The following ZNF658 variants were observed in gnomAD, a reference collection of about 807,000 sequenced individuals.
The protein encoded by ZNF658 is zinc finger protein 658.
In ZNF658, 46 loss-of-function variants were observed where a neutral mutation model predicts 78.0. That is an observed-to-expected ratio of 0.59 (90% confidence interval 0.47 to 0.75). ZNF658 has a LOEUF of 0.75. Ranked by LOEUF, ZNF658 falls within the 30% of genes least tolerant of loss-of-function variation. The pLI is 0.00. For missense variants in ZNF658, 785 were observed against 1,189.3 expected, an observed-to-expected ratio of 0.66 and a Z score of 5.00; for synonymous variants, 279 against 408.4, an observed-to-expected ratio of 0.68 and a Z score of 3.82.
At chr9:66,909,307 A>G (rs1320901782) in intron 4 of ZNF658, among the ~76,000 whole-genome samples, 4 of 151,382 alleles carry the variant, frequency 2.6e-5, no homozygotes, top group Non-Finnish European at 5.9e-5. Flanking sequence ...GTGTCTATAA[A>G]TATGCCTATT....
chr9:66,908,096 A>C (rs1200133330), intron 2 of ZNF658, 142 bp from the exon 3 acceptor site: 1 of 1,485,380 alleles, frequency 6.7e-7, no homozygotes, highest in Non-Finnish European at 9.1e-7. Flanking sequence ...TGAGTTACAT[A>C]TGTTAAGACA....
At chr9:66,907,155 G>C (rs1393393067) in intron 2 of ZNF658, among the ~76,000 whole-genome samples, 1 of 151,702 alleles carries the variant, frequency 6.6e-6, no homozygotes, top group Non-Finnish European at 1.5e-5. Context: ...TTCAATCCCT[G>C]TGTGCTCAAG....
chr9:66,931,768 C>T (rs62561213), intron 6 of ZNF658, among the ~76,000 whole-genome samples: 24,515 of 113,070 alleles, frequency 0.22, 3,102 homozygotes, highest in Middle Eastern at 0.42. Context: ...TCTCTCATGG[C>T]TGTTGCTTAA....
chr9:66,918,246 A>G lies in ZNF658; in HGVS notation c.680A>G (p.Lys227Arg). The change falls in exon 5 of 5, where the codon AAG (lysine) becomes AGG (arginine). Residue 227 changes from lysine to arginine, a missense_variant. Around this residue, in one of 12 missense-constraint regions of ZNF658, gnomAD observed 393 missense variants for 400.2 expected, o/e 0.98. Transcript: ENST00000621410. ...GGATCTGGACAAGGTTTATATGATAAGACAATTTGTATTACACCTCAGAGT... is the reference window on the plus strand; with the variant it reads ...GGATCTGGACAAGGTTTATATGATAGGACAATTTGTATTACACCTCAGAGT... ...CDGSGQGLYD[K>R]TICITPQSFL... 4.4e-6 allele frequency: 7 copies of G among 1,605,680 alleles called. No homozygotes were observed. The highest frequency in any genetic ancestry group is 5.9e-6 in the Non-Finnish European group (7 of 1,176,772).
intron 4 of ZNF658, among the ~76,000 whole-genome samples, chr9:66,910,785 G>T (rs1174457166): frequency 2.4e-5 from 3 of 127,652 alleles, no homozygotes; most frequent in Admixed American, 1.8e-4. Flanking sequence ...AAAAGAGCGA[G>T]ACTCAGTCCC....
downstream of ZNF658, among the ~76,000 whole-genome samples, chr9:66,923,990 A>C (rs1025930332): frequency 9.4e-5 from 14 of 148,422 alleles, no homozygotes; most frequent in Middle Eastern, 3.4e-3. Context: ...CTCTACAAAA[A>C]ATACAAAAAA....
chr9:66,929,861 G>A (rs1822624070), intron 6 of ZNF658, among the ~76,000 whole-genome samples: 1 of 129,348 alleles, frequency 7.7e-6, no homozygotes, highest in Admixed American at 8.3e-5. Context: ...TCGGCTCGCT[G>A]CAACCTTCGC....
chr9:66,918,279 C>A lies in ZNF658; in HGVS notation c.713C>A (p.Thr238Lys), dbSNP rs1264885340. 3.7e-6 allele frequency: 6 copies of A among 1,613,564 alleles called. No homozygotes were observed. The highest frequency in any genetic ancestry group is 5.1e-6 in the Non-Finnish European group (6 of 1,179,748). The change falls in exon 5 of 5, where the codon ACA becomes AAA. Residue 238 changes from threonine (T) to lysine (K), a missense_variant. This residue lies in a region of ZNF658 where 393 missense variants were observed against 400.2 expected (regional missense o/e 0.98). Transcript: ENST00000621410. ...TGTATTACACCTCAGAGTTTTCTAA[C>A]AGGAGAAAAGTCCTGTAAGGATGAT... ...TICITPQSFL[T>K]GEKSCKDDEF...
intron 1 of ZNF658, among the ~76,000 whole-genome samples, chr9:66,902,377 T>A (rs960769341): frequency 2.5e-5 from 3 of 122,346 alleles, no homozygotes; most frequent in Non-Finnish European, 5.1e-5. Context: ...AGTTGTTGAC[T>A]CCCTATATAT....
intron 2 of ZNF658, among the ~76,000 whole-genome samples, chr9:66,905,045 T>C (rs201517360): frequency 0.15 from 16,777 of 114,570 alleles, 3,184 homozygotes; most frequent in African/African-American, 0.18. Context: ...TATCTTTTCT[T>C]TTTTCTTTTC....
At chr9:66,909,490 T>A (rs1476136875) in intron 4 of ZNF658, among the ~76,000 whole-genome samples, 3 of 150,650 alleles carry the variant, frequency 2.0e-5, no homozygotes, top group Non-Finnish European at 4.4e-5. Context: ...TCAGTAGATA[T>A]TTGGGATTCC....
chr9:66,910,059 C>T (rs1284242337), intron 4 of ZNF658, among the ~76,000 whole-genome samples: 4 of 152,112 alleles, frequency 2.6e-5, no homozygotes, highest in Non-Finnish European at 5.9e-5. Flanking sequence ...GATATCAGTA[C>T]TACTGGATTA....
Position 66,918,857 on chromosome 9 carries a change from C to T in ZNF658, c.1291C>T (p.Pro431Ser), listed in dbSNP as rs765378342. The T allele has an allele frequency of 5.2e-5, 83 of 1,603,746 alleles. 1 individual carries two copies. Among genetic ancestry groups the T allele is most frequent in the South Asian group, 4.4e-4 (40 of 90,746 alleles). ...FCSSSHPIQH[P>S]GTYVGFKLYE... ...TTCAAGTTCACATCCTATTCAGCAT[C>T]CTGGAACTTATGTGGGATTCAAACT... Residue 431 changes from proline to serine, a missense_variant, in exon 5 of 5, where the codon CCT (proline) becomes TCT (serine). Transcript: ENST00000621410.
At chr9:66,917,344 A>G in intron 4 of ZNF658, among the ~76,000 whole-genome samples, 1 of 148,982 alleles carries the variant, frequency 6.7e-6, no homozygotes, top group East Asian at 2.0e-4. Flanking sequence ...AGCATGGATG[A>G]GGAGAGAGTC....
chr9:66,929,442 T>C (rs1822618556), intron 6 of ZNF658, among the ~76,000 whole-genome samples: 1 of 142,646 alleles, frequency 7.0e-6, no homozygotes, highest in South Asian at 2.4e-4. Context: ...GAGGAATAAG[T>C]GAGATTTGTC....
intron 2 of ZNF658, among the ~76,000 whole-genome samples, chr9:66,905,068 C>CTTTT (rs1165611922): frequency 0.02 from 631 of 31,712 alleles, 57 homozygotes; most frequent in African/African-American, 0.057. Context: ...TTTTTCTTTT[C>CTTTT]TTTTTTTTTT....
intron 4 of ZNF658, among the ~76,000 whole-genome samples, chr9:66,913,826 G>C (rs1822272308): frequency 7.6e-6 from 1 of 130,862 alleles, no homozygotes; most frequent in African/African-American, 3.0e-5. Context: ...ATCACTTTTT[G>C]AAAAGACTGT....
At chr9:66,903,335 C>A in intron 1 of ZNF658, 183 bp from the exon 2 acceptor site, 1 of 536,264 alleles carries the variant, frequency 1.9e-6, no homozygotes, top group South Asian at 2.3e-5. Context: ...TTTTCTCCAG[C>A]TGAGTGCGAT....
chr9:66,926,259 A>G (rs200015452), downstream of ZNF658, among the ~76,000 whole-genome samples: 8,625 of 118,440 alleles, frequency 0.073, 420 homozygotes, highest in Non-Finnish European at 0.11. Context: ...GATCAATACA[A>G]AAAATACATC....
Sources: gnomAD v4.1 joint callset for allele counts (sites outside exome capture counted in the v4.1 genomes callset) on GRCh38, gnomAD v4.1.1 for gene constraint, gnomAD v4.1.1 regional missense constraint, MANE v1.5 for transcripts, NCBI Gene and HGNC (gene_info 2026-07-23, HGNC 2026-07-21) for gene names.